The following SASH1 variants were observed in gnomAD, a reference collection of about 807,000 sequenced individuals.
SASH1 encodes the protein SAM and SH3 domain containing 1, also known as SAM and SH3 domain-containing protein 1.
A neutral mutation model predicts 125.2 loss-of-function variants in SASH1; 44 were observed. The ratio of observed to expected loss-of-function variants is 0.35; its 90% CI spans 0.28 to 0.45. The LOEUF (loss-of-function observed/expected upper bound fraction) is 0.45, where lower values mean the gene tolerates loss of function less well. Among genes scored for constraint, SASH1 ranks in the 20% least tolerant of loss-of-function variants. SASH1 has a pLI of 1.00. For missense variants in SASH1, 1,426 were observed against 1,614.5 expected, an observed-to-expected ratio of 0.88 and a Z score of 2.00; for synonymous variants, 639 against 649.1, an observed-to-expected ratio of 0.98 and a Z score of 0.24.
intron 4 of SASH1, among the ~76,000 whole-genome samples, chr6:148,463,184 A>G (rs1309918901): frequency 1.3e-5 from 2 of 150,988 alleles, no homozygotes; most frequent in Non-Finnish European, 2.9e-5. Flanking sequence ...TCACTTTGTC[A>G]CCCAGGCTGG....
At chr6:148,387,079 G>GCTTTCTCCC (rs1783401219) in intron 1 of SASH1, among the ~76,000 whole-genome samples, 1 of 123,398 alleles carries the variant, frequency 8.1e-6, no homozygotes, top group African/African-American at 4.0e-5. Flanking sequence ...TTCTCCCTCT[G>GCTTTCTCCC]TCTCTCTCTC....
At chr6:148,206,506 C>T in the SASH1 span, among the ~76,000 whole-genome samples, 2 of 151,400 alleles carry the variant, frequency 1.3e-5, no homozygotes, top group African/African-American at 2.4e-5. Flanking sequence ...TACAAATTAA[C>T]AGGCCAGGTG....
intron 1 of SASH1, among the ~76,000 whole-genome samples, chr6:148,301,501 G>A (rs62433968): frequency 0.28 from 41,777 of 151,726 alleles, 6,104 homozygotes; most frequent in South Asian, 0.36. Context: ...CCTGACCTCA[G>A]GTGATTCTCC....
At chr6:148,500,919 A>G (rs886517676) in intron 8 of SASH1, among the ~76,000 whole-genome samples, 5 of 152,234 alleles carry the variant, frequency 3.3e-5, no homozygotes, top group African/African-American at 9.6e-5. Flanking sequence ...GATGACCACA[A>G]AGAACCTTTC....
At chr6:148,307,029 TTTCTTTCTTTCTTTCTTTC>T (rs1414412545) in intron 1 of SASH1, among the ~76,000 whole-genome samples, 1,193 of 29,348 alleles carry the variant, frequency 0.041, 21 homozygotes, top group Admixed American at 0.15. Flanking sequence ...CTTTCTTTTC[TTTCTTTCTTTCTTTCTTTC>T]TTTCTTTCTT....
the SASH1 span, among the ~76,000 whole-genome samples, chr6:148,221,280 A>C: frequency 6.6e-6 from 1 of 152,234 alleles, no homozygotes; most frequent in East Asian, 1.9e-4. Flanking sequence ...ATTGCTTTTG[A>C]GTAATTTACA....
intron 8 of SASH1, among the ~76,000 whole-genome samples, chr6:148,490,013 TAAAAA>T (rs57304766): frequency 0.017 from 2,178 of 124,952 alleles, 59 homozygotes; most frequent in African/African-American, 0.06. Flanking sequence ...ATCCTGTCTT[TAAAAA>T]AAAAAAAAAA....
chr6:148,295,339 A>C (rs891839010), intron 1 of SASH1, among the ~76,000 whole-genome samples: 1 of 152,112 alleles, frequency 6.6e-6, no homozygotes, highest in African/African-American at 2.4e-5. Flanking sequence ...TGCATACTTT[A>C]TCTCTCTCTC....
rs1370681821 is a variant in SASH1, at chr6:148,304,317, C to A, written n.74+31940C>A. On this transcript the variant is annotated intron_variant and non_coding_transcript_variant, in intron 1 of 3. Coordinates refer to the SASH1 transcript ENST00000367469. ...TAGCGTGGTGGTGGGCACCTGTAGT[C>A]CCAGCTACTCAGGAGGCTGAGGCAG... Among the ~76,000 whole-genome samples the A allele has an allele frequency of 2.0e-5, 3 of 152,088 alleles. No homozygotes were observed. The East Asian group carries it at 5.8e-4, about 29-fold the overall frequency.
At chr6:148,267,213 A>C in the SASH1 span, among the ~76,000 whole-genome samples, 1 of 152,176 alleles carries the variant, frequency 6.6e-6, no homozygotes, top group South Asian at 2.1e-4. Context: ...CACATATGTT[A>C]CAGATAACTG....
At chr6:148,522,662 G>A (rs1780891215) in intron 10 of SASH1, among the ~76,000 whole-genome samples, 1 of 152,172 alleles carries the variant, frequency 6.6e-6, no homozygotes, top group South Asian at 2.1e-4. Context: ...GTTTCCAACT[G>A]CATGGCCATT....
the SASH1 span, among the ~76,000 whole-genome samples, chr6:148,244,892 GAGGCC>G: frequency 6.6e-6 from 1 of 151,664 alleles, no homozygotes; most frequent in Non-Finnish European, 1.5e-5. Context: ...CCTGGGGCCT[GAGGCC>G]TGGGGCATGT....
chr6:148,424,488 G>C (rs1042475925), intron 2 of SASH1, among the ~76,000 whole-genome samples: 4 of 151,978 alleles, frequency 2.6e-5, no homozygotes, highest in African/African-American at 9.7e-5. Flanking sequence ...GCCTCCCAAA[G>C]TTCTGGGGTT....
the SASH1 span, among the ~76,000 whole-genome samples, chr6:148,215,608 T>C: frequency 5.3e-5 from 8 of 152,246 alleles, no homozygotes; most frequent in South Asian, 4.1e-4. Flanking sequence ...TTTTAAAATC[T>C]TTAAAAATGG....
At chr6:148,399,046 T>C (rs1229511827) in intron 2 of SASH1, among the ~76,000 whole-genome samples, 1 of 152,076 alleles carries the variant, frequency 6.6e-6, no homozygotes, top group Non-Finnish European at 1.5e-5. Context: ...TCTTTTTTAT[T>C]AACCCTGCAG....
intron 16 of SASH1, among the ~76,000 whole-genome samples, chr6:148,535,871 A>G (rs945672611): frequency 6.6e-6 from 1 of 152,170 alleles, no homozygotes; most frequent in African/African-American, 2.4e-5. Context: ...CACCAAAACC[A>G]TGGTTAATGG....
intron 11 of SASH1, among the ~76,000 whole-genome samples, chr6:148,526,763 C>T (rs1781187845): frequency 6.6e-6 from 1 of 152,116 alleles, no homozygotes; most frequent in Non-Finnish European, 1.5e-5. Flanking sequence ...AACGACTGAG[C>T]TTTCACCATT....
At chr6:148,220,075 G>A in the SASH1 span, among the ~76,000 whole-genome samples, 1 of 152,190 alleles carries the variant, frequency 6.6e-6, no homozygotes, top group Non-Finnish European at 1.5e-5. Flanking sequence ...TCATTTTGAA[G>A]TCAAATCTAT....
the SASH1 span, among the ~76,000 whole-genome samples, chr6:148,223,096 A>G: frequency 6.6e-6 from 1 of 152,176 alleles, no homozygotes; most frequent in South Asian, 2.1e-4. Flanking sequence ...AACTCTCTTA[A>G]AAAAGACCCA....
Sources: gnomAD v4.1 joint callset for allele counts (sites outside exome capture counted in the v4.1 genomes callset) on GRCh38, gnomAD v4.1.1 for gene constraint, MANE v1.5 for transcripts, NCBI Gene and HGNC (gene_info 2026-07-23, HGNC 2026-07-21) for gene names.